The following CCDC192 variants were observed in gnomAD, a reference collection of about 807,000 sequenced individuals.
CCDC192 encodes the protein coiled-coil domain-containing protein 192.
intron 2 of CCDC192, among the ~76,000 whole-genome samples, chr5:127,737,648 C>T (rs374034556): frequency 2.6e-5 from 4 of 151,926 alleles, no homozygotes; most frequent in Admixed American, 2.6e-4. Flanking sequence ...GGGTAGTTAG[C>T]TCTTCTTGTT....
chr5:127,760,184 C>T (rs558881487), intron 3 of CCDC192, among the ~76,000 whole-genome samples: 99 of 151,384 alleles, frequency 6.5e-4, no homozygotes, highest in African/African-American at 2.3e-3. Flanking sequence ...AATTTCAAGA[C>T]ACTTTTGAAG....
intron 6 of CCDC192, among the ~76,000 whole-genome samples, chr5:127,926,045 T>C (rs1753854787): frequency 6.6e-6 from 1 of 152,050 alleles, no homozygotes; most frequent in Admixed American, 6.6e-5. Context: ...AAAAGGGAAA[T>C]GGGGCGTGCA....
intron 5 of CCDC192, among the ~76,000 whole-genome samples, chr5:127,798,938 C>A (rs994661480): frequency 6.6e-6 from 1 of 152,058 alleles, no homozygotes. Flanking sequence ...GCCACAATAC[C>A]CTGTGTGTCC....
intron 6 of CCDC192, among the ~76,000 whole-genome samples, chr5:127,916,182 G>A (rs879709608): frequency 1.3e-5 from 2 of 152,154 alleles, no homozygotes; most frequent in African/African-American, 4.8e-5. Context: ...CTGCTTATCC[G>A]CAAGAAGCAA....
chr5:127,808,681 C>T (rs1757925575), intron 5 of CCDC192, among the ~76,000 whole-genome samples: 1 of 152,168 alleles, frequency 6.6e-6, no homozygotes. Context: ...TGGCACTCAT[C>T]TCCCCTAAAG....
intron 2 of CCDC192, among the ~76,000 whole-genome samples, chr5:127,724,919 G>A (rs1224175730): frequency 1.3e-5 from 2 of 151,018 alleles, no homozygotes; most frequent in African/African-American, 2.4e-5. Context: ...ATATATACTA[G>A]GAAAATAGTA....
intron 2 of CCDC192, among the ~76,000 whole-genome samples, chr5:127,743,673 T>C (rs1407520772): frequency 2.0e-5 from 3 of 152,176 alleles, no homozygotes; most frequent in Non-Finnish European, 2.9e-5. Flanking sequence ...TTAAACATCT[T>C]CTTAGGTGAC....
chr5:127,896,206 A>C (rs76024309), intron 6 of CCDC192, among the ~76,000 whole-genome samples: 7 of 152,134 alleles, frequency 4.6e-5, no homozygotes, highest in African/African-American at 1.4e-4. Flanking sequence ...TGAGAGGTCC[A>C]GGCAGGAGGA....
chr5:127,931,397 C>T (rs1022401471), intron 6 of CCDC192, among the ~76,000 whole-genome samples: 4 of 152,222 alleles, frequency 2.6e-5, no homozygotes, highest in Admixed American at 6.5e-5. Flanking sequence ...ATTAAAGCAG[C>T]GGGGCTGGGT....
intron 6 of CCDC192, among the ~76,000 whole-genome samples, chr5:127,915,361 C>G (rs904697060): frequency 1.3e-5 from 2 of 152,188 alleles, no homozygotes; most frequent in Non-Finnish European, 1.5e-5. Context: ...GTTCTGAATG[C>G]AGCCCAACAA....
intron 6 of CCDC192, among the ~76,000 whole-genome samples, chr5:127,918,216 T>TAAAAAAAAGAAAAAAAA (rs1753584405): frequency 1.0e-5 from 1 of 100,420 alleles, no homozygotes; most frequent in African/African-American, 4.5e-5. Flanking sequence ...CTTCAATTTG[T>TAAAAAAAAGAAAAAAAA]AAAAAAAAAA....
At chr5:127,765,168 G>C (rs1755147309) in intron 3 of CCDC192, among the ~76,000 whole-genome samples, 1 of 152,048 alleles carries the variant, frequency 6.6e-6, no homozygotes, top group African/African-American at 2.4e-5. Context: ...AAAATTATTT[G>C]GATAATAATA....
chr5:127,916,453 A>C (rs1317384299), intron 6 of CCDC192, among the ~76,000 whole-genome samples: 1 of 152,258 alleles, frequency 6.6e-6, no homozygotes, highest in Non-Finnish European at 1.5e-5. Context: ...GAAAGTTTTC[A>C]ATTTACTTTG....
chr5:127,784,923 A>C (rs1287973787), intron 3 of CCDC192: 13 of 456,166 alleles, frequency 2.8e-5, no homozygotes, highest in South Asian at 7.1e-5. Context: ...TTTTATAACC[A>C]AGATGTAATT....
intron 5 of CCDC192, among the ~76,000 whole-genome samples, chr5:127,802,953 T>C (rs1307124653): frequency 8.5e-5 from 13 of 152,084 alleles, no homozygotes; most frequent in Non-Finnish European, 2.9e-5. Context: ...CTTTCAAATA[T>C]AACATGCAAG....
chr5:127,781,075 G>T lies in CCDC192; in HGVS notation c.223-16028G>T, dbSNP rs540829453. 5.3e-3 allele frequency among the ~76,000 whole-genome samples: 802 copies of T among 152,154 alleles called. 7 individuals carry two copies. Among genetic ancestry groups the T allele is most frequent in the Non-Finnish European group, 9.2e-3 (623 of 67,954 alleles). ...CTAGCCATTTATCCCAGCACCATTT[G>T]TTAAAAAGGGTGTCCTTTCCCTACT... On this transcript the variant is annotated intron_variant, in intron 3 of 6. Coordinates refer to ENST00000514853, the MANE Select transcript of CCDC192 (RefSeq NM_001317938.2).
At chr5:127,746,445 A>G (rs753907650) in intron 2 of CCDC192, among the ~76,000 whole-genome samples, 4 of 152,208 alleles carry the variant, frequency 2.6e-5, no homozygotes, top group Non-Finnish European at 5.9e-5. Flanking sequence ...TCTTCTTGAG[A>G]TCAAACATTC....
chr5:127,918,809 A>ATGTG (rs1344343602), intron 6 of CCDC192, among the ~76,000 whole-genome samples: 1 of 151,380 alleles, frequency 6.6e-6, no homozygotes, highest in Non-Finnish European at 1.5e-5. Flanking sequence ...GCGTGTGTGT[A>ATGTG]TGTGTGTGTG....
chr5:127,776,335 T>G (rs1252267202), intron 3 of CCDC192, among the ~76,000 whole-genome samples: 1 of 152,208 alleles, frequency 6.6e-6, no homozygotes, highest in African/African-American at 2.4e-5. Context: ...TAGAGACTTT[T>G]GGTACTTTGA....
Sources: gnomAD v4.1 joint callset for allele counts (sites outside exome capture counted in the v4.1 genomes callset) on GRCh38, gnomAD v4.1.1 for gene constraint, MANE v1.5 for transcripts, NCBI Gene and HGNC (gene_info 2026-07-23, HGNC 2026-07-21) for gene names.